TENM3: variants seen among roughly 807,000 people sequenced by gnomAD.
TENM3 encodes the protein teneurin transmembrane protein 3, also known as teneurin-3.
TENM3 carries 63 observed loss-of-function variants against 255.1 expected under a neutral mutation model. That is an observed-to-expected ratio of 0.25 (90% CI 0.20 to 0.30). The LOEUF is 0.30. TENM3 is among the 10% of genes least tolerant of loss of function. The probability of loss-of-function intolerance (pLI) is 1.00; values close to 1 mark genes in which losing one functional copy is unlikely to be tolerated. For missense variants in TENM3, 2,929 were observed against 3,461.1 expected (o/e 0.85, Z 3.86); for synonymous variants, 1,306 against 1,322.3 (o/e 0.99, Z 0.27).
At chr4:181,823,381 T>C in the TENM3 span, among the ~76,000 whole-genome samples, 1 of 152,092 alleles carries the variant, frequency 6.6e-6, no homozygotes, top group Non-Finnish European at 1.5e-5. Flanking sequence ...TGTAAAGAGT[T>C]GTCATGAAAG....
At chr4:181,998,604 G>A in the TENM3 span, among the ~76,000 whole-genome samples, 1 of 151,996 alleles carries the variant, frequency 6.6e-6, no homozygotes, top group South Asian at 2.1e-4. Context: ...GGTTCTAGGG[G>A]ACTACTTAAT....
the TENM3 span, among the ~76,000 whole-genome samples, chr4:181,877,688 C>G: frequency 6.6e-5 from 10 of 152,232 alleles, no homozygotes; most frequent in African/African-American, 1.7e-4. Flanking sequence ...CAAGACAGCA[C>G]CTGGAGCTCC....
chr4:182,376,330 C>A (rs1767176733), intron 3 of TENM3, among the ~76,000 whole-genome samples: 1 of 152,058 alleles, frequency 6.6e-6, no homozygotes, highest in African/African-American at 2.4e-5. Flanking sequence ...ATTGAATTTT[C>A]AATATTTTGT....
At chr4:181,624,755 C>A in the TENM3 span, among the ~76,000 whole-genome samples, 1 of 152,206 alleles carries the variant, frequency 6.6e-6, no homozygotes, top group Non-Finnish European at 1.5e-5. Flanking sequence ...GACTTGCCCA[C>A]AGTTCTGCAG....
chr4:181,570,548 AAG>A, the TENM3 span, among the ~76,000 whole-genome samples: 1 of 151,370 alleles, frequency 6.6e-6, no homozygotes, highest in Non-Finnish European at 1.5e-5. Context: ...AAAGAAAGAA[AAG>A]AGAGAGAGAA....
At chr4:181,770,458 A>T in the TENM3 span, among the ~76,000 whole-genome samples, 52 of 152,148 alleles carry the variant, frequency 3.4e-4, no homozygotes, top group Non-Finnish European at 5.1e-4. Flanking sequence ...GTGGATCACG[A>T]GGTCAGGAGA....
chr4:181,797,569 A>G, the TENM3 span, among the ~76,000 whole-genome samples: 1 of 152,322 alleles, frequency 6.6e-6, no homozygotes, highest in Non-Finnish European at 1.5e-5. Flanking sequence ...TATGTTGTCT[A>G]TAAGCCGTGA....
intron 3 of TENM3, among the ~76,000 whole-genome samples, chr4:182,372,066 T>C (rs1016798758): frequency 6.6e-6 from 1 of 152,244 alleles, no homozygotes; most frequent in Non-Finnish European, 1.5e-5. Flanking sequence ...AGATAAATTA[T>C]GCAAACTCTC....
the TENM3 span, among the ~76,000 whole-genome samples, chr4:182,016,156 G>A: frequency 6.6e-6 from 1 of 152,080 alleles, no homozygotes; most frequent in Non-Finnish European, 1.5e-5. Flanking sequence ...CGTGTTATTC[G>A]TGCAGATGAC....
chr4:182,158,067 A>G (rs1423683994), intron 1 of TENM3, among the ~76,000 whole-genome samples: 1 of 152,192 alleles, frequency 6.6e-6, no homozygotes, highest in African/African-American at 2.4e-5. Flanking sequence ...CAATGTTGAC[A>G]TAGCCTCAGA....
At chr4:182,052,601 C>T in the TENM3 span, among the ~76,000 whole-genome samples, 1 of 152,162 alleles carries the variant, frequency 6.6e-6, no homozygotes, top group Admixed American at 6.5e-5. Flanking sequence ...TCACTCAGCT[C>T]TTCACCTCGG....
At chr4:182,561,993 T>C (rs889328724) in intron 3 of TENM3, among the ~76,000 whole-genome samples, 10 of 143,510 alleles carry the variant, frequency 7.0e-5, no homozygotes, top group African/African-American at 1.2e-4. Flanking sequence ...GACAGATAGA[T>C]AGATAGATAG....
chr4:181,462,719 T>TA, the TENM3 span, among the ~76,000 whole-genome samples: 2 of 152,196 alleles, frequency 1.3e-5, no homozygotes, highest in African/African-American at 4.8e-5. Flanking sequence ...TCATTCCCAC[T>TA]GGGAAACTCC....
intron 3 of TENM3, among the ~76,000 whole-genome samples, chr4:182,389,807 T>C (rs1473075268): frequency 6.6e-6 from 1 of 150,856 alleles, no homozygotes; most frequent in East Asian, 2.0e-4. Flanking sequence ...TGCCTCAGCC[T>C]CCCGAGTAGC....
At chr4:181,705,957 A>AAAT in the TENM3 span, among the ~76,000 whole-genome samples, 1 of 152,142 alleles carries the variant, frequency 6.6e-6, no homozygotes, top group African/African-American at 2.4e-5. Context: ...TCCATCTAAA[A>AAAT]AATAATAATA....
At chr4:181,754,623 G>T in the TENM3 span, among the ~76,000 whole-genome samples, 3 of 152,080 alleles carry the variant, frequency 2.0e-5, no homozygotes, top group African/African-American at 4.8e-5. Context: ...TTTAAGAAAT[G>T]ATTACTAAGC....
the TENM3 span, among the ~76,000 whole-genome samples, chr4:181,734,300 T>C: frequency 6.6e-6 from 1 of 152,066 alleles, no homozygotes; most frequent in Middle Eastern, 3.2e-3. Context: ...GGTCCTCATC[T>C]GTTTTGCTCA....
intron 12 of TENM3, among the ~76,000 whole-genome samples, chr4:182,702,998 A>T (rs1175571876): frequency 6.6e-6 from 1 of 152,088 alleles, no homozygotes; most frequent in Non-Finnish European, 1.5e-5. Context: ...AGCCTCCCAA[A>T]GTGCTGGGAT....
At chr4:182,638,320 T>C (rs10028389) in intron 5 of TENM3, among the ~76,000 whole-genome samples, 8,116 of 152,274 alleles carry the variant, frequency 0.053, 676 homozygotes, top group African/African-American at 0.18. Context: ...GTACTCAATC[T>C]GTTTTGAAGA....
Sources: allele counts gnomAD v4.1 joint callset (sites outside exome capture counted in the v4.1 genomes callset), GRCh38; gene constraint gnomAD v4.1.1; transcripts MANE v1.5; gene names NCBI Gene and HGNC (gene_info 2026-07-23, HGNC 2026-07-21).